The following SLC9A5 variants were observed in gnomAD, a reference collection of about 807,000 sequenced individuals.
SLC9A5 encodes sodium/hydrogen exchanger 5.
Under a neutral mutation model 91.7 loss-of-function variants are expected in SLC9A5, and 52 were observed. The observed-to-expected ratio is 0.57, with a 90% CI of 0.45 to 0.71. SLC9A5 has a LOEUF of 0.71. SLC9A5 is among the 30% of genes least tolerant of loss of function. SLC9A5 has a pLI of 0.00. For missense variants in SLC9A5, 871 were observed against 1,158.9 expected, an observed-to-expected ratio of 0.75 and a Z score of 3.61; for synonymous variants, 419 against 474.5, an observed-to-expected ratio of 0.88 and a Z score of 1.52.
chr16:67,271,098 C>A lies in SLC9A5; in HGVS notation c.2579C>A (p.Pro860His). 1 of 1,613,934 alleles carries A rather than the reference C, an allele frequency of 6.2e-7. No homozygotes were observed. Among genetic ancestry groups the A allele is most frequent in the South Asian group, 1.1e-5 (1 of 91,070 alleles). The change falls in exon 16 of 16, where the codon CCC becomes CAC. Residue 860 changes from proline to histidine, a missense_variant. Pro to His is a moderately conservative substitution (Grantham distance 77, BLOSUM62 -2). This residue lies in a region of SLC9A5 where 295 missense variants were observed against 326.0 expected (regional missense o/e 0.90). Coordinates refer to ENST00000299798, the MANE Select transcript of SLC9A5 (RefSeq NM_004594.3). The part of the protein sequence containing the change: ...RSRSESSADL[P>H]QQQELQPLMG... Reference sequence around the variant, plus strand: ...CGCAGTGAGAGCAGCGCTGACCTCCCCCAGCAGCAGGAGCTGCAGCCCCTC... The same window carrying A: ...CGCAGTGAGAGCAGCGCTGACCTCCACCAGCAGCAGGAGCTGCAGCCCCTC...
Position 67,259,939 on chromosome 16 carries a change from G to C in SLC9A5, c.1835G>C (p.Arg612Pro). ...HLLCGGLYKP[R>P]RRYKASCSRH... ...CTCTGCGGAGGCCTCTACAAGCCGC[G>C]CCGTAGGGTGAGAGCAGGCAGGCAT... Residue 612 changes from arginine to proline, a missense_variant, in exon 12 of 16, where the codon CGC (arginine) becomes CCC (proline). Arg to Pro is a moderately radical substitution (Grantham distance 103). Coordinates refer to ENST00000299798, the MANE Select transcript of SLC9A5 (RefSeq NM_004594.3). The C allele has an allele frequency of 6.2e-7, 1 of 1,613,740 alleles. No individual in the cohort carries two copies.
chr16:67,251,735 G>A (rs761792112), intron 1 of SLC9A5, among the ~76,000 whole-genome samples: 1 of 151,908 alleles, frequency 6.6e-6, no homozygotes, highest in Non-Finnish European at 1.5e-5. Context: ...TTTTTTAATG[G>A]TCACAATAAT....
In SLC9A5 at chr16:67,267,338, G is replaced by A. The variant is rs1442474943; in HGVS notation, c.2218+1113G>A. ...TGACCTCAGGTGATCTGCCCTCCTC[G>A]GCCTCCCAAAGTGCTGGGATTACAG... On this transcript the variant is annotated intron_variant, in intron 15 of 15. Transcript: ENST00000299798. 1.6e-4 allele frequency among the ~76,000 whole-genome samples: 25 copies of A among 151,690 alleles called. 1 individual carries two copies. The highest frequency in any genetic ancestry group is 1.4e-3 in the Admixed American group (22 of 15,208).
At chr16:67,266,860 T>C (rs1474400310) in intron 15 of SLC9A5, among the ~76,000 whole-genome samples, 1 of 150,714 alleles carries the variant, frequency 6.6e-6, no homozygotes, top group Non-Finnish European at 1.5e-5. Flanking sequence ...CTTTTTTTTT[T>C]TTTTTTTAAA....
intron 2 of SLC9A5, among the ~76,000 whole-genome samples, chr16:67,253,749 C>A (rs917700870): frequency 6.6e-6 from 1 of 152,164 alleles, no homozygotes; most frequent in Non-Finnish European, 1.5e-5. Context: ...TCTTGAACTG[C>A]TGAGCTCAGG....
chr16:67,254,958 G>C, intron 2 of SLC9A5, 63 bp from the exon 3 acceptor site: 1 of 1,529,900 alleles, frequency 6.5e-7, no homozygotes, highest in South Asian at 1.2e-5. Context: ...TTGTTCCAGG[G>C]CGTGCTCCAG....
rs181358866 is a variant in SLC9A5, at chr16:67,249,343, C to T, written c.187+142C>T. 9.3e-4 allele frequency: 570 copies of T among 610,672 alleles called. 4 individuals carry two copies. Among genetic ancestry groups the T allele is most frequent in the African/African-American group, 9.1e-3 (474 of 52,002 alleles). 37.8% of individuals were successfully genotyped at this position (610,672 alleles called of 1,614,324 possible). A position where few individuals can be genotyped will look rare whatever the true frequency, so the allele number is the denominator to read the frequency against. On this transcript the variant is annotated intron_variant, in intron 1 of 15. Coordinates refer to ENST00000299798, the MANE Select transcript of SLC9A5 (RefSeq NM_004594.3). ...TTTGGATTCCACAAATCCGGGCTCT[C>T]GCCCAGTTCCTGCATCGCTTCTTGT...
At chr16:67,259,087 C>A (rs909449343) in intron 10 of SLC9A5, among the ~76,000 whole-genome samples, 1 of 150,488 alleles carries the variant, frequency 6.6e-6, no homozygotes, top group Non-Finnish European at 1.5e-5. Context: ...AGTGAAACCC[C>A]GTCTCTACTA....
In SLC9A5 at chr16:67,264,414, G is replaced by T; in HGVS notation, c.1905G>T (p.Glu635Asp). 6.2e-7 allele frequency: 1 copy of T among 1,614,154 alleles called. No individual in the cohort carries two copies. Among genetic ancestry groups the T allele is most frequent in the Non-Finnish European group, 8.5e-7 (1 of 1,180,010 alleles). The change falls in exon 13 of 16, where the codon GAG (glutamate) becomes GAT (aspartate). Residue 635 changes from glutamate (E) to aspartate (D), a missense_variant. Glu to Asp is a conservative substitution (Grantham distance 45). Coordinates refer to ENST00000299798, the MANE Select transcript of SLC9A5 (RefSeq NM_004594.3). ...SEDAQERQDK[E>D]VFQQNMKRRL... ...ATGCGCAGGAGCGGCAGGACAAGGA[G>T]GTCTTCCAGCAGAACATGAAGCGGC...
At chr16:67,267,931 C>G (rs1009707460) in intron 15 of SLC9A5, among the ~76,000 whole-genome samples, 3 of 152,230 alleles carry the variant, frequency 2.0e-5, no homozygotes, top group Non-Finnish European at 4.4e-5. Context: ...GCCCCACCCT[C>G]CACTGGGTTC....
intron 15 of SLC9A5, among the ~76,000 whole-genome samples, chr16:67,269,789 TTC>T (rs2035858210): frequency 6.6e-6 from 1 of 152,170 alleles, no homozygotes; most frequent in Non-Finnish European, 1.5e-5. Context: ...GCCAGAGGAA[TTC>T]TCTTTCCAGG....
intron 15 of SLC9A5, among the ~76,000 whole-genome samples, chr16:67,268,176 C>CTT (rs72054057): frequency 3.9e-5 from 5 of 128,978 alleles, no homozygotes; most frequent in Admixed American, 8.0e-5. Context: ...CATGCCCAGC[C>CTT]TTTTTTTTTT....
At chr16:67,266,066 C>T (rs899396166) in intron 14 of SLC9A5, 22 bp from the exon 15 acceptor site, 2 of 1,609,394 alleles carry the variant, frequency 1.2e-6, no homozygotes, top group African/African-American at 1.3e-5. Flanking sequence ...GGATGCCTGA[C>T]TCTGCTCTTG....
At chr16:67,265,585 AT>A (rs969882734) in intron 14 of SLC9A5, among the ~76,000 whole-genome samples, 19 of 151,508 alleles carry the variant, frequency 1.3e-4, no homozygotes, top group Non-Finnish European at 1.6e-4. Flanking sequence ...CACCTGGCTA[AT>A]TTTTTTTTGT....
At position 67,256,506 on chromosome 16, in the gene SLC9A5, G is replaced by A; in HGVS notation, c.949G>A (p.Glu317Lys). ...TGGCCTGGGCTGTAAGAAGTACGTG[G>A]AGGCCAACATCTCCCATAAGTCACG... ...MCGLGCKKYVEANISHKSRTT... is the reference protein window; with the variant it reads ...MCGLGCKKYVKANISHKSRTT... The change falls in exon 6 of 16, where the codon GAG becomes AAG. Residue 317 changes from glutamate to lysine, a missense_variant. Around this residue, in one of 3 missense-constraint regions of SLC9A5, gnomAD observed 454 missense variants for 718.3 expected, o/e 0.63. Transcript: ENST00000299798. The surrounding 1 kb of genome is among the most constrained non-coding windows in gnomAD (Gnocchi z 4.1). 1 of 1,613,004 alleles carries A rather than the reference G, an allele frequency of 6.2e-7. No homozygotes were observed.
At position 67,270,588 on chromosome 16, in the gene SLC9A5, G is replaced by T; in HGVS notation, c.2219-150G>T. 1 of 601,212 alleles carries T rather than the reference G, an allele frequency of 1.7e-6. No individual in the cohort carries two copies. The allele number at this position is 601,212 out of a possible 1,614,324, so 37.2% of individuals were successfully genotyped here. A position where few individuals can be genotyped will look rare whatever the true frequency, so the allele number is the denominator to read the frequency against. On this transcript the variant is annotated intron_variant, in intron 15 of 15. Transcript: ENST00000299798. This position sits in a 1 kb window ranked among gnomAD's most constrained non-coding sequence, Gnocchi z 4.3. ...GGGGATAGAGTGGAGAGTAAAACAA[G>T]CTGTGGTACTTCGCCTCAGCAAGAC...
chr16:67,254,314 C>T (rs2035233006), intron 2 of SLC9A5, among the ~76,000 whole-genome samples: 1 of 152,206 alleles, frequency 6.6e-6, no homozygotes, highest in South Asian at 2.1e-4. Context: ...GTTATTCCCC[C>T]TAATAAAAAT....
chr16:67,268,723 G>T (rs2035827028), intron 15 of SLC9A5, among the ~76,000 whole-genome samples: 2 of 95,648 alleles, frequency 2.1e-5, no homozygotes, highest in African/African-American at 3.7e-5. Flanking sequence ...TTTACAGTAG[G>T]CTTGTCCAAT....
intron 12 of SLC9A5, chr16:67,262,610 T>C: frequency 3.6e-6 from 1 of 276,074 alleles, no homozygotes; most frequent in Non-Finnish European, 7.3e-6. Flanking sequence ...GCAGCTGGTC[T>C]GATGACTGAT....
Sources: allele counts gnomAD v4.1 joint callset (sites outside exome capture counted in the v4.1 genomes callset), GRCh38; gene constraint gnomAD v4.1.1; regional missense constraint gnomAD v4.1.1; non-coding constraint Gnocchi (gnomAD v3.1); transcripts MANE v1.5; gene names NCBI Gene and HGNC (gene_info 2026-07-23, HGNC 2026-07-21).